The following ADAMTS19 variants were observed in gnomAD, a reference collection of about 807,000 sequenced individuals.
The protein encoded by ADAMTS19 is ADAM metallopeptidase with thrombospondin type 1 motif 19, also known as A disintegrin and metalloproteinase with thrombospondin motifs 19.
ADAMTS19 carries 93 observed loss-of-function variants against 153.3 expected under a neutral mutation model. The ratio of observed to expected loss-of-function variants is 0.61; its 90% CI spans 0.51 to 0.72. The LOEUF is 0.72. Among genes scored for constraint, ADAMTS19 ranks in the 30% least tolerant of loss-of-function variants. The probability of loss-of-function intolerance (pLI) is 0.00; values close to 1 mark genes in which losing one functional copy is unlikely to be tolerated. For missense variants in ADAMTS19, 1,482 were observed against 1,552.1 expected, an observed-to-expected ratio of 0.95 and a Z score of 0.76; for synonymous variants, 600 against 556.6, an observed-to-expected ratio of 1.08 and a Z score of -1.10.
intron 7 of ADAMTS19, among the ~76,000 whole-genome samples, chr5:129,564,855 G>A (rs902822765): frequency 2.0e-5 from 3 of 152,194 alleles, no homozygotes; most frequent in Non-Finnish European, 4.4e-5. Context: ...ATCCAATGGA[G>A]TCAGATTGGG....
chr5:129,476,274 T>C (rs886088431), intron 2 of ADAMTS19, among the ~76,000 whole-genome samples: 1 of 152,306 alleles, frequency 6.6e-6, no homozygotes, highest in African/African-American at 2.4e-5. Flanking sequence ...AAAGGATTTA[T>C]GAGAACAAGT....
intron 8 of ADAMTS19, among the ~76,000 whole-genome samples, chr5:129,611,644 C>G (rs998231625): frequency 6.6e-6 from 1 of 152,084 alleles, no homozygotes; most frequent in Non-Finnish European, 1.5e-5. Context: ...TTCCATTGGT[C>G]TATATCTCTG....
chr5:129,720,555 C>T lies in ADAMTS19; in HGVS notation c.3313-14377C>T, dbSNP rs112255817. On this transcript the variant is annotated intron_variant, in intron 21 of 22. Coordinates refer to ENST00000274487, the MANE Select transcript of ADAMTS19 (RefSeq NM_133638.6). ...GAAAGAATTACAAGACTCAGTGTCA[C>T]AATTCTAGTATAGTTGTTTATGCAA... 6.5e-3 allele frequency among the ~76,000 whole-genome samples: 993 copies of T among 152,280 alleles called. 7 individuals carry two copies. The highest frequency in any genetic ancestry group is 0.022 in the African/African-American group (917 of 41,550).
intron 21 of ADAMTS19, 119 bp downstream of exon 21, chr5:129,704,510 G>C (rs1581244937): frequency 8.6e-7 from 1 of 1,164,046 alleles, no homozygotes; most frequent in East Asian, 2.6e-5. Flanking sequence ...AAACATCATG[G>C]GATATGGGGC....
intron 7 of ADAMTS19, among the ~76,000 whole-genome samples, chr5:129,570,577 G>A (rs1421838154): frequency 6.6e-6 from 1 of 151,146 alleles, no homozygotes; most frequent in Non-Finnish European, 1.5e-5. Flanking sequence ...CAAATGTCAA[G>A]GATACTTAGA....
intron 7 of ADAMTS19, among the ~76,000 whole-genome samples, chr5:129,566,440 T>G (rs547215108): frequency 6.6e-6 from 1 of 152,288 alleles, no homozygotes; most frequent in Non-Finnish European, 1.5e-5. Flanking sequence ...CCTATAAAAC[T>G]TGAGAGAATG....
chr5:129,551,417 C>T (rs1239718927), intron 6 of ADAMTS19, among the ~76,000 whole-genome samples: 1 of 151,456 alleles, frequency 6.6e-6, no homozygotes, highest in Non-Finnish European at 1.5e-5. Flanking sequence ...AAAAATTTTG[C>T]CAGTCTTATG....
At chr5:129,597,251 A>C (rs1047773081) in intron 8 of ADAMTS19, among the ~76,000 whole-genome samples, 1 of 152,220 alleles carries the variant, frequency 6.6e-6, no homozygotes, top group African/African-American at 2.4e-5. Flanking sequence ...GAAATTAATA[A>C]TAGGAATAAT....
At chr5:129,559,254 AC>A (rs979012490) in intron 7 of ADAMTS19, among the ~76,000 whole-genome samples, 2 of 152,082 alleles carry the variant, frequency 1.3e-5, no homozygotes, top group African/African-American at 4.8e-5. Flanking sequence ...CATGTAACCA[AC>A]AAAGTATTAG....
intron 7 of ADAMTS19, among the ~76,000 whole-genome samples, chr5:129,584,499 G>A (rs1003277632): frequency 3.3e-5 from 5 of 152,118 alleles, no homozygotes; most frequent in African/African-American, 4.8e-5. Flanking sequence ...ACCCACAGCC[G>A]CCCCTTCACC....
intron 6 of ADAMTS19, among the ~76,000 whole-genome samples, chr5:129,530,123 C>G (rs78376611): frequency 1.9e-3 from 283 of 152,152 alleles, no homozygotes; most frequent in African/African-American, 6.0e-3. Context: ...AGGAAGATAA[C>G]AGAATAGCAA....
chr5:129,602,764 T>C (rs1304083500), intron 8 of ADAMTS19, among the ~76,000 whole-genome samples: 1 of 152,114 alleles, frequency 6.6e-6, no homozygotes, highest in Non-Finnish European at 1.5e-5. Flanking sequence ...TTTTTGCAAT[T>C]ACAAGTACTT....
intron 6 of ADAMTS19, among the ~76,000 whole-genome samples, chr5:129,541,759 G>A (rs1752661339): frequency 6.6e-6 from 1 of 151,920 alleles, no homozygotes; most frequent in Admixed American, 6.6e-5. Context: ...GACGCTTAAT[G>A]TATCCCACAA....
At chr5:129,735,726 T>C (rs1467555914) in intron 22 of ADAMTS19, among the ~76,000 whole-genome samples, 1 of 152,090 alleles carries the variant, frequency 6.6e-6, no homozygotes, top group Non-Finnish European at 1.5e-5. Flanking sequence ...TGTTATTTAA[T>C]CTAACCCATA....
chr5:129,710,226 G>A (rs951083837), intron 21 of ADAMTS19, among the ~76,000 whole-genome samples: 1 of 152,132 alleles, frequency 6.6e-6, no homozygotes, highest in African/African-American at 2.4e-5. Flanking sequence ...TTCAGTGTTT[G>A]CTTTTCTGTT....
rs140635270 is a variant in ADAMTS19, at chr5:129,700,967, G to A, written c.2955-421G>A. On this transcript the variant is annotated intron_variant, in intron 19 of 22. Transcript: ENST00000274487. ...TAACTCTAGACGTGTCAAAATATAT[G>A]GTAGTGATACGCTTTGACTGTGTCT... Among the ~76,000 whole-genome samples the A allele has an allele frequency of 3.7e-3, 568 of 151,836 alleles. 6 individuals carry two copies. The highest frequency in any genetic ancestry group is 0.013 in the African/African-American group (552 of 41,422).
At chr5:129,549,213 A>G (rs989765218) in intron 6 of ADAMTS19, among the ~76,000 whole-genome samples, 141 of 150,490 alleles carry the variant, frequency 9.4e-4, no homozygotes, top group Non-Finnish European at 1.6e-3. Flanking sequence ...TAAAATAAAA[A>G]AAGAAATATA....
chr5:129,736,923 CTCTT>C, intron 22 of ADAMTS19, 140 bp from the exon 23 acceptor site: 1 of 646,968 alleles, frequency 1.5e-6, no homozygotes, highest in Admixed American at 3.8e-5. Context: ...GTGTGTGTAT[CTCTT>C]TCTTGTTTAA....
intron 8 of ADAMTS19, among the ~76,000 whole-genome samples, chr5:129,601,712 C>T (rs1396519568): frequency 6.6e-6 from 1 of 152,194 alleles, no homozygotes; most frequent in Admixed American, 6.5e-5. Flanking sequence ...GTGCTTAATT[C>T]TCCCAACAAC....
Sources: allele counts gnomAD v4.1 joint callset (sites outside exome capture counted in the v4.1 genomes callset), GRCh38; gene constraint gnomAD v4.1.1; transcripts MANE v1.5; gene names NCBI Gene and HGNC (gene_info 2026-07-23, HGNC 2026-07-21).